ESRRG: variants seen among roughly 807,000 people sequenced by gnomAD.
ESRRG encodes estrogen-related receptor gamma.
In ESRRG, 13 loss-of-function variants were observed where a neutral mutation model predicts 44.0. That is an observed-to-expected ratio of 0.30 (90% CI 0.19 to 0.47). The LOEUF (loss-of-function observed/expected upper bound fraction) is 0.47, where lower values mean the gene tolerates loss of function less well. ESRRG is among the 20% of genes least tolerant of loss of function. ESRRG has a pLI of 1.00. For synonymous variants in ESRRG, 215 were observed against 214.6 expected (o/e 1.00, Z -0.02); for missense variants, 395 against 580.6 (o/e 0.68, Z 3.29).
chr1:216,754,500 T>C (rs193008156), intron 2 of ESRRG, among the ~76,000 whole-genome samples: 2 of 152,076 alleles, frequency 1.3e-5, no homozygotes, highest in East Asian at 3.9e-4. Context: ...GTACCCTTAG[T>C]TCAGATTTAC....
chr1:216,958,641 C>T (rs2068427579), intron 1 of ESRRG, among the ~76,000 whole-genome samples: 2 of 152,170 alleles, frequency 1.3e-5, no homozygotes, highest in Admixed American at 1.3e-4. Flanking sequence ...TAGTTCTTAA[C>T]ACTTCTCTGC....
At chr1:216,661,012 T>C (rs2072205318) in intron 2 of ESRRG, among the ~76,000 whole-genome samples, 1 of 152,138 alleles carries the variant, frequency 6.6e-6, no homozygotes, top group Non-Finnish European at 1.5e-5. Context: ...CTGAAATACA[T>C]TTAAAAAGGA....
In ESRRG at chr1:217,026,912, C is replaced by CACACACAGAGAGAGAG. The variant is rs1255637839; in HGVS notation, c.-106+62594_-106+62595insCTCTCTCTCTGTGTGT. ...ATACACACACACACACACACACACA[C>CACACACAGAGAGAGAG]AGAGAGAGAGAGAGAGAGAGAGAGA... On this transcript the variant is annotated intron_variant, in intron 1 of 7. Transcript: ENST00000359162. Among the ~76,000 whole-genome samples, 18 of 93,468 alleles carry CACACACAGAGAGAGAG rather than the reference C, an allele frequency of 1.9e-4. No homozygotes were observed. In the East Asian group the frequency reaches 2.4e-3, roughly 13 times the overall value. 61.3% of individuals were successfully genotyped at this position (93,468 alleles called of 152,430 possible). A position where few individuals can be genotyped will look rare whatever the true frequency, so the allele number is the denominator to read the frequency against.
At chr1:216,892,252 T>C (rs533569834) in intron 2 of ESRRG, among the ~76,000 whole-genome samples, 3 of 152,352 alleles carry the variant, frequency 2.0e-5, no homozygotes, top group South Asian at 2.1e-4. Context: ...TAAACTCTGA[T>C]CTTAGAATAT....
chr1:216,794,346 A>T (rs1223146979), intron 2 of ESRRG, among the ~76,000 whole-genome samples: 1 of 152,200 alleles, frequency 6.6e-6, no homozygotes, highest in African/African-American at 2.4e-5. Flanking sequence ...GCTTGGGGGG[A>T]ATCCGGGAGT....
chr1:216,787,222 C>T (rs909897315), intron 2 of ESRRG, among the ~76,000 whole-genome samples: 2 of 152,082 alleles, frequency 1.3e-5, no homozygotes, highest in Non-Finnish European at 2.9e-5. Flanking sequence ...TTGAACTGCT[C>T]CAACTGGCCA....
At chr1:216,909,366 T>C (rs2060059472) in intron 2 of ESRRG, among the ~76,000 whole-genome samples, 1 of 152,174 alleles carries the variant, frequency 6.6e-6, no homozygotes, top group Non-Finnish European at 1.5e-5. Context: ...GGTTATGAGT[T>C]ACCAAATCAC....
intron 5 of ESRRG, among the ~76,000 whole-genome samples, chr1:216,544,479 G>A (rs1290243649): frequency 6.6e-6 from 1 of 152,042 alleles, no homozygotes; most frequent in Non-Finnish European, 1.5e-5. Context: ...GAATACGGGG[G>A]ATACCCAAAC....
At chr1:216,569,316 G>C (rs532029216) in intron 3 of ESRRG, among the ~76,000 whole-genome samples, 2 of 152,096 alleles carry the variant, frequency 1.3e-5, no homozygotes, top group African/African-American at 4.8e-5. Flanking sequence ...GCTTCCCAAA[G>C]AATTCCAAAT....
chr1:216,588,465 G>A (rs562169077), intron 3 of ESRRG, among the ~76,000 whole-genome samples: 52 of 152,124 alleles, frequency 3.4e-4, no homozygotes, highest in African/African-American at 1.3e-3. Context: ...TAATTTTATG[G>A]CCTTTATGTT....
chr1:216,729,200 T>A (rs1305787287), intron 2 of ESRRG, among the ~76,000 whole-genome samples: 1 of 152,230 alleles, frequency 6.6e-6, no homozygotes. Context: ...TGGCCCCAGT[T>A]TGGGGACCAT....
At chr1:216,949,368 A>T (rs1045462499) in intron 1 of ESRRG, among the ~76,000 whole-genome samples, 11 of 152,136 alleles carry the variant, frequency 7.2e-5, no homozygotes, top group Non-Finnish European at 1.3e-4. Flanking sequence ...CAAGTCACAA[A>T]CTTTTATGGC....
intron 1 of ESRRG, among the ~76,000 whole-genome samples, chr1:216,704,350 C>T (rs1212447272): frequency 6.6e-6 from 1 of 152,136 alleles, no homozygotes; most frequent in Non-Finnish European, 1.5e-5. Flanking sequence ...CCTATCTCTA[C>T]TAAAAATACA....
chr1:216,877,426 CAG>C lies in ESRRG; in HGVS notation c.-14+62154_-14+62155del, dbSNP rs1459120104. Among the ~76,000 whole-genome samples the C allele has an allele frequency of 2.7e-5, 4 of 149,284 alleles. No homozygotes were observed. The East Asian group carries it at 7.9e-4, about 30-fold the overall frequency. On this transcript the variant is annotated intron_variant, in intron 2 of 7. Transcript: ENST00000359162. ...GTTTGTTTGTTTGTTTGTTTTGAGA[CAG>C]AGTCTCACTCTGTCACCCAGGCTGG... is the stretch of plus-strand genomic sequence containing the variant.
At chr1:216,517,107 C>T (rs2148883994) in intron 6 of ESRRG, among the ~76,000 whole-genome samples, 1 of 152,172 alleles carries the variant, frequency 6.6e-6, no homozygotes, top group East Asian at 1.9e-4. Flanking sequence ...GAATCACCTG[C>T]AAGAATATTT....
chr1:217,132,601 G>T (rs1468878278), intron 1 of ESRRG, among the ~76,000 whole-genome samples: 8 of 152,138 alleles, frequency 5.3e-5, no homozygotes, highest in Admixed American at 4.6e-4. Flanking sequence ...GTAAAATGGT[G>T]GCTGCCACTT....
chr1:217,078,234 G>A (rs1164290845), intron 1 of ESRRG: 5 of 152,214 alleles, frequency 3.3e-5, no homozygotes, highest in Non-Finnish European at 5.9e-5. Context: ...CGGATCTGAT[G>A]ACAAGAGCAC....
intron 3 of ESRRG, among the ~76,000 whole-genome samples, chr1:216,588,378 G>A (rs561436824): frequency 1.3e-5 from 2 of 152,122 alleles, no homozygotes; most frequent in East Asian, 1.9e-4. Context: ...CAACAACAAA[G>A]CCAAGGCAAT....
chr1:216,682,797 G>A (rs1166648282), intron 1 of ESRRG, among the ~76,000 whole-genome samples: 3 of 150,702 alleles, frequency 2.0e-5, no homozygotes, highest in African/African-American at 4.9e-5. Context: ...GGAGGTACAG[G>A]CTTCAGAGCC....
Sources: gnomAD v4.1 joint callset for allele counts (sites outside exome capture counted in the v4.1 genomes callset) on GRCh38, gnomAD v4.1.1 for gene constraint, MANE v1.5 for transcripts, NCBI Gene and HGNC (gene_info 2026-07-23, HGNC 2026-07-21) for gene names.